Variants in LSAMP observed in about 807,000 individuals in gnomAD.
LSAMP encodes the protein limbic system associated membrane protein.
In LSAMP, 7 loss-of-function variants were observed where a neutral mutation model predicts 38.6. The ratio of observed to expected loss-of-function variants is 0.18; its 90% CI spans 0.10 to 0.34. The LOEUF is 0.34. LSAMP is among the 10% of genes least tolerant of loss of function. The pLI is 1.00. For synonymous variants in LSAMP, 154 were observed against 166.8 expected, an observed-to-expected ratio of 0.92 and a Z score of 0.59; for missense variants, 313 against 420.0, an observed-to-expected ratio of 0.75 and a Z score of 2.23.
intron 1 of LSAMP, among the ~76,000 whole-genome samples, chr3:116,393,800 TATA>T: frequency 6.6e-6 from 1 of 152,350 alleles, no homozygotes; most frequent in East Asian, 1.9e-4. Context: ...ATAAACTAAA[TATA>T]ATGTTGTGAT....
intron 1 of LSAMP, among the ~76,000 whole-genome samples, chr3:116,217,678 G>T (rs919236554): frequency 1.3e-5 from 2 of 152,188 alleles, no homozygotes; most frequent in African/African-American, 4.8e-5. Flanking sequence ...TTCACACAAA[G>T]GTTCTATGGA....
chr3:116,183,268 A>G (rs1254683381), intron 1 of LSAMP, among the ~76,000 whole-genome samples: 2 of 151,930 alleles, frequency 1.3e-5, no homozygotes, highest in African/African-American at 2.4e-5. Flanking sequence ...ATGGCTATGC[A>G]CACTTTTGTA....
rs930142995 is a variant in LSAMP, at chr3:116,231,582, C to T, written c.156-145026G>A. Among the ~76,000 whole-genome samples, 5 of 152,166 alleles carry T rather than the reference C, an allele frequency of 3.3e-5. No individual in the cohort carries two copies. In the South Asian group the frequency reaches 6.2e-4, roughly 19 times the overall value. ...TAACAGTGAAAAACGTAACCCTTGT[C>T]TTCAAAGAATTGATACACTCACCAG... On this transcript the variant is annotated intron_variant, in intron 1 of 6. Coordinates refer to ENST00000490035, the MANE Select transcript of LSAMP (RefSeq NM_002338.5).
chr3:116,209,981 C>T (rs1172648414), intron 1 of LSAMP, among the ~76,000 whole-genome samples: 1 of 152,140 alleles, frequency 6.6e-6, no homozygotes, highest in Non-Finnish European at 1.5e-5. Context: ...GTCTCCATCT[C>T]TTGACTTCGT....
intron 6 of LSAMP, among the ~76,000 whole-genome samples, chr3:115,837,284 CCA>C (rs1206043917): frequency 1.4e-5 from 2 of 138,586 alleles, no homozygotes; most frequent in African/African-American, 5.4e-5. Context: ...GCAGCAAAGC[CCA>C]GTGTAGATTT....
intron 1 of LSAMP, among the ~76,000 whole-genome samples, chr3:116,219,337 T>G (rs1292368380): frequency 1.3e-5 from 2 of 152,224 alleles, no homozygotes; most frequent in Non-Finnish European, 2.9e-5. Flanking sequence ...CAAACTGTCT[T>G]TATCTGTTTA....
At chr3:116,286,070 C>T (rs1157334209) in intron 1 of LSAMP, among the ~76,000 whole-genome samples, 2 of 152,196 alleles carry the variant, frequency 1.3e-5, no homozygotes, top group Non-Finnish European at 1.5e-5. Flanking sequence ...TCCTGTGGTT[C>T]ACAGTAGTCC....
chr3:115,993,721 A>G (rs1447550408), intron 3 of LSAMP, among the ~76,000 whole-genome samples: 1 of 152,084 alleles, frequency 6.6e-6, no homozygotes, highest in East Asian at 1.9e-4. Flanking sequence ...TTTTTTAAGT[A>G]AAAAATGTGG....
chr3:116,182,464 T>C (rs1710509574), intron 1 of LSAMP, among the ~76,000 whole-genome samples: 1 of 151,550 alleles, frequency 6.6e-6, no homozygotes, highest in Non-Finnish European at 1.5e-5. Flanking sequence ...AATCTAGAAG[T>C]CTGCCAATTA....
chr3:116,330,376 C>A (rs1381677406), intron 1 of LSAMP, among the ~76,000 whole-genome samples: 1 of 152,024 alleles, frequency 6.6e-6, no homozygotes, highest in African/African-American at 2.4e-5. Flanking sequence ...GCAAAAAAGA[C>A]CTTGTCCTGC....
intron 1 of LSAMP, among the ~76,000 whole-genome samples, chr3:116,165,212 G>A (rs1377095649): frequency 6.6e-6 from 1 of 152,142 alleles, no homozygotes; most frequent in Non-Finnish European, 1.5e-5. Flanking sequence ...CAGATGTCTG[G>A]ACTTGGCTGT....
At chr3:116,221,834 C>A (rs1382329853) in intron 1 of LSAMP, among the ~76,000 whole-genome samples, 3 of 117,862 alleles carry the variant, frequency 2.5e-5, no homozygotes, top group Non-Finnish European at 5.2e-5. Flanking sequence ...TCTGCGTGAT[C>A]CTAAAAAGAA....
intron 6 of LSAMP, among the ~76,000 whole-genome samples, chr3:115,813,681 T>G (rs1933916058): frequency 1.3e-5 from 2 of 152,152 alleles, no homozygotes; most frequent in Admixed American, 1.3e-4. Flanking sequence ...GGGTGGTAGT[T>G]GGGAAATCAT....
chr3:115,858,156 TCTCTCTCTCA>T (rs1461341086), intron 3 of LSAMP, among the ~76,000 whole-genome samples: 6 of 147,940 alleles, frequency 4.1e-5, no homozygotes, highest in African/African-American at 1.3e-4. Flanking sequence ...TCTCTCTCTC[TCTCTCTCTCA>T]CACACACACA....
At chr3:115,897,758 TTAAAA>T (rs796304549) in intron 3 of LSAMP, among the ~76,000 whole-genome samples, 9 of 152,218 alleles carry the variant, frequency 5.9e-5, no homozygotes, top group African/African-American at 2.2e-4. Flanking sequence ...TGGACTTTCT[TTAAAA>T]TAAAAAGATG....
At chr3:116,236,155 T>C (rs1034864865) in intron 1 of LSAMP, among the ~76,000 whole-genome samples, 1 of 152,278 alleles carries the variant, frequency 6.6e-6, no homozygotes, top group South Asian at 2.1e-4. Flanking sequence ...AGTGAATCCA[T>C]TTTTTTCATT....
intron 3 of LSAMP, among the ~76,000 whole-genome samples, chr3:115,917,407 T>C (rs1305068577): frequency 6.6e-6 from 1 of 152,176 alleles, no homozygotes; most frequent in South Asian, 2.1e-4. Context: ...ACAGGACCCA[T>C]CTCTCAGTGA....
rs73858547 is a variant in LSAMP at position 116,141,971 on chromosome 3, C to A, written c.156-55415G>T. Among the ~76,000 whole-genome samples the A allele has an allele frequency of 2.0e-3, 298 of 152,038 alleles. 1 individual carries two copies. The highest frequency in any genetic ancestry group is 6.8e-3 in the African/African-American group (281 of 41,496). On this transcript the variant is annotated intron_variant, in intron 1 of 6. Coordinates refer to ENST00000490035, the MANE Select transcript of LSAMP (RefSeq NM_002338.5). ...ATTAGCAGCAGCTGATGAGTCAGTT[C>A]CCTGACCTGAAAAGGGGATCTGGGC... is the stretch of plus-strand genomic sequence containing the variant.
intron 6 of LSAMP, among the ~76,000 whole-genome samples, chr3:115,832,454 C>A (rs1230764607): frequency 6.6e-6 from 1 of 152,126 alleles, no homozygotes; most frequent in Non-Finnish European, 1.5e-5. Context: ...ATAGCTATGA[C>A]CACAGTGAGG....
Sources: gnomAD v4.1 joint callset for allele counts (sites outside exome capture counted in the v4.1 genomes callset) on GRCh38, gnomAD v4.1.1 for gene constraint, MANE v1.5 for transcripts, NCBI Gene and HGNC (gene_info 2026-07-23, HGNC 2026-07-21) for gene names.